The following RPS6KB1 variants were observed in gnomAD, a reference collection of about 807,000 sequenced individuals.
RPS6KB1 encodes ribosomal protein S6 kinase beta-1.
Under a neutral mutation model 70.2 loss-of-function variants are expected in RPS6KB1, and 12 were observed. The ratio of observed to expected loss-of-function variants is 0.17; its 90% confidence interval spans 0.11 to 0.28. The LOEUF (loss-of-function observed/expected upper bound fraction) is 0.28. RPS6KB1 is among the 10% of genes least tolerant of loss of function. RPS6KB1 has a pLI of 1.00. For synonymous variants in RPS6KB1, 175 were observed against 211.2 expected, an observed-to-expected ratio of 0.83 and a Z score of 1.49; for missense variants, 270 against 646.6, an observed-to-expected ratio of 0.42 and a Z score of 6.32.
intron 4 of RPS6KB1, among the ~76,000 whole-genome samples, chr17:59,922,551 CT>C (rs71145590): frequency 2.4e-3 from 192 of 80,412 alleles, no homozygotes; most frequent in African/African-American, 3.4e-3. Flanking sequence ...TTTTATACTC[CT>C]TTTTTTTTTT....
At chr17:59,901,211 G>A (rs1408315665) in intron 1 of RPS6KB1, among the ~76,000 whole-genome samples, 1 of 150,618 alleles carries the variant, frequency 6.6e-6, no homozygotes, top group East Asian at 2.1e-4. Flanking sequence ...GTACAGTGGC[G>A]CGATCTCGGC....
intron 4 of RPS6KB1, among the ~76,000 whole-genome samples, chr17:59,924,458 G>C (rs773278240): frequency 6.6e-6 from 1 of 151,574 alleles, no homozygotes; most frequent in Non-Finnish European, 1.5e-5. Flanking sequence ...CCTCATCCTT[G>C]TTGATTTTAT....
At chr17:59,911,425 A>G (rs539939077) in intron 2 of RPS6KB1, among the ~76,000 whole-genome samples, 4 of 151,894 alleles carry the variant, frequency 2.6e-5, no homozygotes, top group South Asian at 4.1e-4. Flanking sequence ...CAGTGGCACA[A>G]TCTCGGCTCA....
chr17:59,903,854 C>T (rs1374351713), intron 1 of RPS6KB1, among the ~76,000 whole-genome samples: 1 of 151,990 alleles, frequency 6.6e-6, no homozygotes, highest in African/African-American at 2.4e-5. Context: ...GGAGAAATAC[C>T]TATTCAGATC....
chr17:59,897,232 TACTC>T (rs1216277169), intron 1 of RPS6KB1, among the ~76,000 whole-genome samples: 4 of 152,244 alleles, frequency 2.6e-5, no homozygotes, highest in African/African-American at 9.6e-5. Context: ...CCTTTGGCCA[TACTC>T]ACTCTGTGAC....
intron 1 of RPS6KB1, among the ~76,000 whole-genome samples, chr17:59,898,908 T>G (rs1422577750): frequency 6.6e-6 from 1 of 150,406 alleles, no homozygotes; most frequent in Non-Finnish European, 1.5e-5. Context: ...AAATTAGGAG[T>G]AAAGAGTTTC....
Position 59,947,573 on chromosome 17 carries a change from A to C in RPS6KB1, c.*785A>C. ...AAAAAAAAAATGAATCTATTTAATC[A>C]TTTCTACTTGCAGTACTGCTATGTG... On this transcript the variant is annotated 3_prime_UTR_variant, in exon 15 of 15. Coordinates refer to ENST00000225577, the MANE Select transcript of RPS6KB1 (RefSeq NM_003161.4). 6.5e-7 allele frequency: 1 copy of C among 1,532,522 alleles called. No individual in the cohort carries two copies. Among genetic ancestry groups the C allele is most frequent in the Non-Finnish European group, 8.8e-7 (1 of 1,130,390 alleles). 94.9% of individuals were successfully genotyped at this position (1,532,522 alleles called of 1,614,324 possible).
chr17:59,924,538 A>G (rs1028515199), intron 4 of RPS6KB1, among the ~76,000 whole-genome samples: 5 of 151,922 alleles, frequency 3.3e-5, no homozygotes, highest in African/African-American at 1.2e-4. Context: ...AATTACAGTA[A>G]TATTTGATTT....
Position 59,893,452 on chromosome 17 carries a change from C to A in RPS6KB1, c.141+127C>A. The A allele has an allele frequency of 9.9e-7, 1 of 1,014,718 alleles. No homozygotes were observed. Among genetic ancestry groups the A allele is most frequent in the Non-Finnish European group, 1.4e-6 (1 of 698,902 alleles). The allele number at this position is 1,014,718 out of a possible 1,614,324, so 62.9% of individuals were successfully genotyped here. A position where few individuals can be genotyped will look rare whatever the true frequency, so the allele number is the denominator to read the frequency against. On this transcript the variant is annotated intron_variant, in intron 1 of 14. Transcript: ENST00000225577. This position sits in a 1 kb window ranked among gnomAD's most constrained non-coding sequence, Gnocchi z 4.1. ...TCCTGAGGAGCTGAGGGTCGCGCGG[C>A]CTGAGACAGGGGAGCGGGCGGGGCG...
intron 1 of RPS6KB1, among the ~76,000 whole-genome samples, chr17:59,908,554 G>C (rs200421079): frequency 6.7e-6 from 1 of 150,076 alleles, no homozygotes; most frequent in East Asian, 2.0e-4. Context: ...AAATTCACTT[G>C]GTTTTATTTT....
chr17:59,898,686 A>C (rs995985325), intron 1 of RPS6KB1, among the ~76,000 whole-genome samples: 8 of 151,256 alleles, frequency 5.3e-5, no homozygotes, highest in Non-Finnish European at 8.8e-5. Flanking sequence ...CAAACTCTTG[A>C]CTTCAGGCGA....
chr17:59,947,523 CT>C lies in RPS6KB1; in HGVS notation c.*736del. ...CTGGGGTTTATTTTCAGTAACCCAG[CT>C]GCAATACCTGTCTGTAATATGAGAA... On this transcript the variant is annotated 3_prime_UTR_variant, in exon 15 of 15. Transcript: ENST00000225577. 1.3e-6 allele frequency: 2 copies of C among 1,524,454 alleles called. No individual in the cohort carries two copies. The highest frequency in any genetic ancestry group is 8.8e-7 in the Non-Finnish European group (1 of 1,130,620). 94.4% of individuals were successfully genotyped at this position (1,524,454 alleles called of 1,614,324 possible).
intron 2 of RPS6KB1, among the ~76,000 whole-genome samples, chr17:59,911,811 G>A (rs749440821): frequency 6.6e-6 from 1 of 151,684 alleles, no homozygotes; most frequent in African/African-American, 2.4e-5. Context: ...GGCCAGGCTG[G>A]TCTTGAACTC....
chr17:59,946,571 G>A lies in RPS6KB1; in HGVS notation c.1361G>A (p.Gly454Glu), dbSNP rs1234773348. Reference protein sequence around the residue: ...TPVSPVKFSPGDFWGRGASAS... With the variant: ...TPVSPVKFSPEDFWGRGASAS... ...TAAAGCCCAGTCAAATTTTCTCCTGGGGATTTCTGGGGAAGAGGTGCTTCG... is the reference window on the plus strand; with the variant it reads ...TAAAGCCCAGTCAAATTTTCTCCTGAGGATTTCTGGGGAAGAGGTGCTTCG... Residue 454 changes from glycine (G) to glutamate (E), a missense_variant, in exon 15 of 15, where the codon GGG (glycine) becomes GAG (glutamate). Transcript: ENST00000225577. The surrounding 1 kb of genome is among the most constrained non-coding windows in gnomAD (Gnocchi z 4.2). The A allele has an allele frequency of 2.5e-6, 4 of 1,614,062 alleles. No individual in the cohort carries two copies. The highest frequency in any genetic ancestry group is 3.4e-6 in the Non-Finnish European group (4 of 1,179,994).
rs755334581 is a variant in RPS6KB1, at chr17:59,949,239, CTG to C, written c.*2454_*2455del. Reference sequence around the variant, plus strand: ...TCATAAATGGATATCCCTACTATGACTGTGAAAACATGTCAAGTGTCACATTA... The same window carrying C: ...TCATAAATGGATATCCCTACTATGACTGAAAACATGTCAAGTGTCACATTA... On this transcript the variant is annotated 3_prime_UTR_variant, in exon 15 of 15. Transcript: ENST00000225577. 6.6e-6 allele frequency: 1 copy of C among 152,622 alleles called. No homozygotes were observed. The highest frequency in any genetic ancestry group is 6.5e-5 in the Admixed American group (1 of 15,278). 9.5% of individuals were successfully genotyped at this position (152,622 alleles called of 1,614,324 possible).
In RPS6KB1 at chr17:59,946,961, CA is replaced by C. The variant is rs919878919; in HGVS notation, c.*182del. The C allele has an allele frequency of 4.9e-5, 70 of 1,420,166 alleles. No homozygotes were observed. Among genetic ancestry groups the C allele is most frequent in the Middle Eastern group, 4.3e-4 (2 of 4,700 alleles). 88.0% of individuals were successfully genotyped at this position (1,420,166 alleles called of 1,614,324 possible). A position where few individuals can be genotyped will look rare whatever the true frequency, so the allele number is the denominator to read the frequency against. ...GATTTTAAAAAATCAATCAATGGTG[CA>C]AAAAAAAACTTAAAGCAAAATAGTA... is the stretch of plus-strand genomic sequence containing the variant. On this transcript the variant is annotated 3_prime_UTR_variant, in exon 15 of 15. Transcript: ENST00000225577. This position sits in a 1 kb window ranked among gnomAD's most constrained non-coding sequence, Gnocchi z 4.2.
intron 1 of RPS6KB1, among the ~76,000 whole-genome samples, chr17:59,895,417 G>A (rs566063106): frequency 1.5e-4 from 22 of 150,086 alleles, no homozygotes; most frequent in Admixed American, 6.0e-4. Context: ...TGCCTCCCAG[G>A]TTCAAGCGAT....
intron 1 of RPS6KB1, among the ~76,000 whole-genome samples, chr17:59,894,981 TTTTTCTTTTCTTTTC>T (rs60799718): frequency 2.7e-5 from 4 of 150,878 alleles, no homozygotes; most frequent in African/African-American, 9.8e-5. Flanking sequence ...AGTTGTGTGC[TTTTTCTTTTCTTTTC>T]TTTTCTTTTC....
chr17:59,914,936 C>T (rs2042852494), intron 4 of RPS6KB1, among the ~76,000 whole-genome samples: 1 of 151,908 alleles, frequency 6.6e-6, no homozygotes, highest in Admixed American at 6.6e-5. Context: ...CAAGGGTAGC[C>T]TGAGCAATGT....
Sources: allele counts gnomAD v4.1 joint callset (sites outside exome capture counted in the v4.1 genomes callset), GRCh38; gene constraint gnomAD v4.1.1; non-coding constraint Gnocchi (gnomAD v3.1); transcripts MANE v1.5; gene names NCBI Gene and HGNC (gene_info 2026-07-23, HGNC 2026-07-21).